The following ANKRD11 variants were observed in gnomAD, a reference collection of about 807,000 sequenced individuals.
ANKRD11 encodes ankyrin repeat domain-containing protein 11.
Under a neutral mutation model 195.7 loss-of-function variants are expected in ANKRD11, and 17 were observed. The observed-to-expected ratio is 0.09, with a 90% CI of 0.06 to 0.13. The LOEUF is 0.13. Ranked by LOEUF, ANKRD11 falls within the 10% of genes least tolerant of loss-of-function variation. The pLI, the probability that ANKRD11 is intolerant of heterozygous loss-of-function variation, is 1.00. For synonymous variants in ANKRD11, 1,953 were observed against 1,528.1 expected (o/e 1.28, Z -6.49); for missense variants, 3,735 against 3,566.1 (o/e 1.05, Z -1.21).
intron 2 of ANKRD11, among the ~76,000 whole-genome samples, chr16:89,349,579 C>G (rs983497852): frequency 2.0e-5 from 3 of 152,152 alleles, no homozygotes; most frequent in Non-Finnish European, 4.4e-5. Context: ...ACAAATGATG[C>G]TGGAAATAAT....
At position 89,281,379 on chromosome 16, in the gene ANKRD11, C is replaced by A; in HGVS notation, c.5163G>T (p.Thr1721=). The change falls in exon 9 of 13, where the codon ACG becomes ACT. Residue 1721 remains threonine (T), a synonymous_variant. Transcript: ENST00000301030. The surrounding 1 kb of genome is among the most constrained non-coding windows in gnomAD (Gnocchi z 5.5). ...SCPSYEEVMH[T]PRTPSCSADD... ...CGGCGCTGCAGGACGGGGTCCTGGG[C>A]GTGTGCATCACCTCCTCGTAGCTGG... 6.2e-7 allele frequency: 1 copy of A among 1,608,922 alleles called. No individual in the cohort carries two copies.
At chr16:89,460,975 C>T (rs1337290488) in intron 1 of ANKRD11, among the ~76,000 whole-genome samples, 5 of 84,724 alleles carry the variant, frequency 5.9e-5, no homozygotes, top group Admixed American at 1.2e-4. Context: ...TATGACCCCC[C>T]CCCCCAACAG....
intron 3 of ANKRD11, among the ~76,000 whole-genome samples, chr16:89,314,661 C>T (rs1051678529): frequency 6.6e-6 from 1 of 152,166 alleles, no homozygotes; most frequent in African/African-American, 2.4e-5. Flanking sequence ...CCTCAATAAG[C>T]ATATCTGAGA....
intron 7 of ANKRD11, chr16:89,286,923 C>T: frequency 7.8e-7 from 1 of 1,289,690 alleles, no homozygotes; most frequent in Non-Finnish European, 1.0e-6. Context: ...ATAACGTTTA[C>T]TATAGACTCT....
chr16:89,313,917 G>T (rs771134039), intron 3 of ANKRD11, among the ~76,000 whole-genome samples: 2 of 152,208 alleles, frequency 1.3e-5, no homozygotes, highest in African/African-American at 4.8e-5. Flanking sequence ...TGGCTTTACT[G>T]TGAGTAGTTG....
chr16:89,388,944 G>GA (rs2041051654), intron 2 of ANKRD11, among the ~76,000 whole-genome samples: 2 of 152,214 alleles, frequency 1.3e-5, no homozygotes, highest in Non-Finnish European at 2.9e-5. Context: ...CAAAGCCCAA[G>GA]ATGACTTACA....
chr16:89,372,411 C>T (rs1223450449), intron 2 of ANKRD11, among the ~76,000 whole-genome samples: 3 of 152,124 alleles, frequency 2.0e-5, no homozygotes, highest in East Asian at 1.9e-4. Context: ...CGGACGGGGT[C>T]GACAAGGCAG....
chr16:89,344,808 C>T (rs2152008509), intron 2 of ANKRD11, among the ~76,000 whole-genome samples: 1 of 152,280 alleles, frequency 6.6e-6, no homozygotes. Context: ...AGCAGCAGCT[C>T]CCACCCAATA....
chr16:89,280,198 A>C lies in ANKRD11; in HGVS notation c.6344T>G (p.Val2115Gly), dbSNP rs767739738. ...GSRGLSHLGQVEPVPWADAFA... is the reference protein window; with the variant it reads ...GSRGLSHLGQGEPVPWADAFA... The stretch of plus-strand genomic sequence containing the variant: ...GGCGTCCGCCCAGGGCACCGGCTCC[A>C]CCTGGCCGAGGTGAGACAGGCCGCG... The change falls in exon 9 of 13, where the codon GTG becomes GGG. Residue 2115 changes from valine to glycine, a missense_variant. Coordinates refer to ENST00000301030, the MANE Select transcript of ANKRD11 (RefSeq NM_013275.6). The C allele has an allele frequency of 1.2e-6, 2 of 1,608,066 alleles. No homozygotes were observed. The highest frequency in any genetic ancestry group is 2.7e-5 in the African/African-American group (2 of 74,998).
At chr16:89,352,189 C>T (rs1015995568) in intron 2 of ANKRD11, among the ~76,000 whole-genome samples, 2 of 151,990 alleles carry the variant, frequency 1.3e-5, no homozygotes, top group African/African-American at 2.4e-5. Flanking sequence ...TGCACCTGGC[C>T]GATTATCTTC....
chr16:89,291,191 G>A lies in ANKRD11; in HGVS notation c.227-8C>T. On this transcript the variant is annotated splice_polypyrimidine_tract_variant and splice_region_variant and intron_variant, in intron 4 of 12. Transcript: ENST00000301030. This position sits in a 1 kb window ranked among gnomAD's most constrained non-coding sequence, Gnocchi z 5.3. ...GCTCAGGGCCCTGCTTCTCTGTGAG[G>A]CGGGCGAGGGAGAGAGGGAGGAGAG... is the stretch of plus-strand genomic sequence containing the variant. 3 of 1,613,108 alleles carry A rather than the reference G, an allele frequency of 1.9e-6. No homozygotes were observed. Among genetic ancestry groups the A allele is most frequent in the African/African-American group, 1.3e-5 (1 of 75,068 alleles).
At position 89,286,065 on chromosome 16, in the gene ANKRD11, T is replaced by C; in HGVS notation, c.866A>G (p.Tyr289Cys). 1 of 1,614,226 alleles carries C rather than the reference T, an allele frequency of 6.2e-7. No homozygotes were observed. The highest frequency in any genetic ancestry group is 8.5e-7 in the Non-Finnish European group (1 of 1,180,034). The change falls in exon 8 of 13, where the codon TAC (tyrosine) becomes TGC (cysteine). Residue 289 changes from tyrosine (Y) to cysteine (C), a missense_variant. Physicochemically the swap from Tyr to Cys is radical, Grantham distance 194. Coordinates refer to ENST00000301030, the MANE Select transcript of ANKRD11 (RefSeq NM_013275.6). ...CGTCGAGCTCTCCTCGCTGGAAGTG[T>C]AAGTGCCTTTGCCTAACAGGAGGTT... ...MVNLLLGKGT[Y>C]TSSEESSTES...
chr16:89,457,845 C>T (rs1325913653), intron 1 of ANKRD11, among the ~76,000 whole-genome samples: 1 of 152,190 alleles, frequency 6.6e-6, no homozygotes, highest in East Asian at 1.9e-4. Context: ...ATAAACATCA[C>T]TGAAGAAATC....
intron 1 of ANKRD11, among the ~76,000 whole-genome samples, chr16:89,419,642 C>T (rs1861650790): frequency 6.6e-6 from 1 of 152,162 alleles, no homozygotes; most frequent in Non-Finnish European, 1.5e-5. Flanking sequence ...GGGAAGGAAG[C>T]ACAGACAGGA....
At chr16:89,307,902 A>G (rs2036385625) in intron 3 of ANKRD11, among the ~76,000 whole-genome samples, 1 of 152,272 alleles carries the variant, frequency 6.6e-6, no homozygotes, top group African/African-American at 2.4e-5. Flanking sequence ...TCAGAACCTG[A>G]TGAGGGAAAG....
intron 1 of ANKRD11, among the ~76,000 whole-genome samples, chr16:89,430,588 G>C (rs897915909): frequency 2.0e-5 from 3 of 152,236 alleles, no homozygotes; most frequent in African/African-American, 7.2e-5. Context: ...AGACGTTCTA[G>C]TACACAGCAG....
chr16:89,359,022 A>G (rs373304388), intron 2 of ANKRD11, among the ~76,000 whole-genome samples: 5 of 152,154 alleles, frequency 3.3e-5, no homozygotes, highest in African/African-American at 1.2e-4. Flanking sequence ...ACAAGGCTAT[A>G]CATTTCTTAT....
chr16:89,355,385 G>A (rs1360441178), intron 2 of ANKRD11, among the ~76,000 whole-genome samples: 1 of 152,190 alleles, frequency 6.6e-6, no homozygotes, highest in African/African-American at 2.4e-5. Flanking sequence ...CAGAACAGAA[G>A]AGCTGATTAA....
Position 89,285,000 on chromosome 16 carries a change from C to T in ANKRD11, c.1542G>A (p.Leu514=). Residue 514 remains leucine (L), a synonymous_variant, in exon 9 of 13, where the codon CTG becomes CTA. Transcript: ENST00000301030. ...GSPLVLKDPS[L]FSSLSASSTS... is the part of the protein sequence containing the mutation. ...TGGAGGAGGCAGAGAGGGAGCTGAA[C>T]AGGGAGGGGTCCTTCAGCACCAGCG... is the stretch of plus-strand genomic sequence containing the variant. 6.2e-7 allele frequency: 1 copy of T among 1,614,046 alleles called. No individual in the cohort carries two copies. The highest frequency in any genetic ancestry group is 8.5e-7 in the Non-Finnish European group (1 of 1,179,972).
Sources: gnomAD v4.1 joint callset for allele counts (sites outside exome capture counted in the v4.1 genomes callset) on GRCh38, gnomAD v4.1.1 for gene constraint, Gnocchi (gnomAD v3.1) non-coding constraint, MANE v1.5 for transcripts, NCBI Gene and HGNC (gene_info 2026-07-23, HGNC 2026-07-21) for gene names.